Variants in BMAL2 observed in about 807,000 individuals in gnomAD.
BMAL2 encodes basic helix-loop-helix ARNT-like protein 2.
the BMAL2 span, chr12:27,333,084 A>T: frequency 2.5e-6 from 3 of 1,203,894 alleles, no homozygotes; most frequent in Admixed American, 8.9e-5. Context: ...TGGCGGCGGA[A>T]GAGGAGGCTG....
At chr12:27,406,657 A>G in the BMAL2 span, among the ~76,000 whole-genome samples, 5 of 152,158 alleles carry the variant, frequency 3.3e-5, no homozygotes, top group South Asian at 6.2e-4. Flanking sequence ...ATTGTAAACC[A>G]TTGAGGCTAG....
chr12:27,401,814 T>C, the BMAL2 span: 6 of 607,772 alleles, frequency 9.9e-6, no homozygotes, highest in South Asian at 1.1e-4. Context: ...TTTTGAGTAA[T>C]TCATTTACTG....
the BMAL2 span, among the ~76,000 whole-genome samples, chr12:27,364,985 C>T: frequency 6.6e-6 from 1 of 152,048 alleles, no homozygotes; most frequent in Admixed American, 6.6e-5. Context: ...GATTTATATA[C>T]AGCCAACTTG....
chr12:27,365,932 T>C, the BMAL2 span, among the ~76,000 whole-genome samples: 1 of 152,022 alleles, frequency 6.6e-6, no homozygotes, highest in East Asian at 1.9e-4. Context: ...ATTATTTACT[T>C]ATTATATTTC....
the BMAL2 span, among the ~76,000 whole-genome samples, chr12:27,406,819 C>T: frequency 6.6e-6 from 1 of 152,098 alleles, no homozygotes; most frequent in African/African-American, 2.4e-5. Context: ...AGAGTCAAGA[C>T]CCATCAGTGT....
At chr12:27,391,453 G>A in the BMAL2 span, among the ~76,000 whole-genome samples, 1 of 143,780 alleles carries the variant, frequency 7.0e-6, no homozygotes, top group East Asian at 1.9e-4. Flanking sequence ...TGGGCACCTA[G>A]GCAGATTTCA....
At chr12:27,368,644 C>T in the BMAL2 span, among the ~76,000 whole-genome samples, 1 of 152,162 alleles carries the variant, frequency 6.6e-6, no homozygotes, top group Non-Finnish European at 1.5e-5. Context: ...GACATAGGAA[C>T]ATGAGTTTTA....
At chr12:27,348,642 G>A in the BMAL2 span, among the ~76,000 whole-genome samples, 1 of 151,796 alleles carries the variant, frequency 6.6e-6, no homozygotes, top group Admixed American at 6.6e-5. Flanking sequence ...TTTACATTTA[G>A]CTCATTCATC....
the BMAL2 span, among the ~76,000 whole-genome samples, chr12:27,391,004 C>T: frequency 6.6e-5 from 10 of 152,300 alleles, no homozygotes; most frequent in South Asian, 8.3e-4. Flanking sequence ...ATTTATTTAA[C>T]GCTAACCCTG....
the BMAL2 span, chr12:27,423,957 A>G: frequency 6.6e-6 from 1 of 152,232 alleles, no homozygotes; most frequent in Non-Finnish European, 1.5e-5. Flanking sequence ...TGTGCTATCA[A>G]TGTAAGATAC....
At chr12:27,373,533 G>C in the BMAL2 span, among the ~76,000 whole-genome samples, 5 of 152,112 alleles carry the variant, frequency 3.3e-5, no homozygotes, top group Non-Finnish European at 5.9e-5. Flanking sequence ...ATGGAGTGGG[G>C]AGACTGGGGG....
chr12:27,385,999 G>A, the BMAL2 span, among the ~76,000 whole-genome samples: 2 of 151,998 alleles, frequency 1.3e-5, no homozygotes, highest in Admixed American at 6.6e-5. Flanking sequence ...CAGATTCACC[G>A]GTCTAGAGGG....
chr12:27,415,812 A>C, the BMAL2 span: 1 of 1,239,492 alleles, frequency 8.1e-7, no homozygotes, highest in Non-Finnish European at 1.2e-6. Context: ...TTTAGAGGAG[A>C]AAATTTCCTT....
At chr12:27,413,317 C>T in the BMAL2 span, among the ~76,000 whole-genome samples, 1 of 152,164 alleles carries the variant, frequency 6.6e-6, no homozygotes, top group South Asian at 2.1e-4. Context: ...ATAATTATAG[C>T]TACAATAATT....
chr12:27,381,581 T>C, the BMAL2 span, among the ~76,000 whole-genome samples: 3 of 152,164 alleles, frequency 2.0e-5, no homozygotes, highest in Admixed American at 1.3e-4. Context: ...ACAAGCATGA[T>C]CCAGTCACCT....
At chr12:27,403,303 C>T in the BMAL2 span, 1 of 649,662 alleles carries the variant, frequency 1.5e-6, no homozygotes, top group Admixed American at 2.9e-5. Context: ...ATATGTAATG[C>T]AAGGATGAGT....
At chr12:27,379,270 T>A in the BMAL2 span, among the ~76,000 whole-genome samples, 2 of 152,164 alleles carry the variant, frequency 1.3e-5, no homozygotes, top group African/African-American at 4.8e-5. Context: ...TTTCTTGAAT[T>A]TTAGATTTCT....
At chr12:27,404,451 A>T in the BMAL2 span, among the ~76,000 whole-genome samples, 1 of 152,172 alleles carries the variant, frequency 6.6e-6, no homozygotes, top group East Asian at 1.9e-4. Context: ...ATTAAAAATG[A>T]CACCTTAAAT....
chr12:27,341,010 G>A, the BMAL2 span, among the ~76,000 whole-genome samples: 2 of 152,252 alleles, frequency 1.3e-5, no homozygotes, highest in African/African-American at 2.4e-5. Context: ...CTTTTGGCCC[G>A]AGACTATAGG....
Sources: gnomAD v4.1 joint callset for allele counts (sites outside exome capture counted in the v4.1 genomes callset) on GRCh38, gnomAD v4.1.1 for gene constraint, MANE v1.5 for transcripts, NCBI Gene and HGNC (gene_info 2026-07-23, HGNC 2026-07-21) for gene names.